Variants in C9orf153 observed in about 807,000 individuals in gnomAD.
C9orf153 encodes the protein uncharacterized protein C9orf153.
A neutral mutation model predicts 9.0 loss-of-function variants in C9orf153; 10 were observed. The observed-to-expected ratio is 1.11, with a 90% CI of 0.69 to 1.89. The LOEUF (loss-of-function observed/expected upper bound fraction) is 1.89, where lower values mean the gene tolerates loss of function less well. C9orf153 is among the 40% of genes most tolerant of loss of function. C9orf153 has a pLI of 0.00. For synonymous variants in C9orf153, 35 were observed against 37.3 expected, an observed-to-expected ratio of 0.94 and a Z score of 0.23; for missense variants, 108 against 111.0, an observed-to-expected ratio of 0.97 and a Z score of 0.12.
chr9:86,222,208 G>A (rs530270605), intron 3 of C9orf153, among the ~76,000 whole-genome samples: 9 of 152,142 alleles, frequency 5.9e-5, no homozygotes, highest in South Asian at 4.2e-4. Flanking sequence ...TAAACTTAAG[G>A]GAGACCCTGT....
chr9:86,250,511 T>A (rs1220038017), intron 1 of C9orf153, among the ~76,000 whole-genome samples: 1 of 152,232 alleles, frequency 6.6e-6, no homozygotes, highest in Admixed American at 6.5e-5. Context: ...AGATCTTTGA[T>A]AAAGCTGTTT....
At chr9:86,242,847 T>C (rs1824778589) in intron 1 of C9orf153, among the ~76,000 whole-genome samples, 1 of 151,826 alleles carries the variant, frequency 6.6e-6, no homozygotes, top group Non-Finnish European at 1.5e-5. Context: ...CCCAGCTAAT[T>C]TTTGTATTTT....
At chr9:86,222,044 C>T (rs545491071) in intron 3 of C9orf153, among the ~76,000 whole-genome samples, 1 of 152,100 alleles carries the variant, frequency 6.6e-6, no homozygotes, top group Admixed American at 6.5e-5. Flanking sequence ...CGCCACCACA[C>T]CCGGTTACTT....
At chr9:86,228,140 A>G in intron 2 of C9orf153, 110 bp from the exon 3 acceptor site, 1 of 782,856 alleles carries the variant, frequency 1.3e-6, no homozygotes, top group Non-Finnish European at 1.9e-6. Flanking sequence ...CCATAAAGAC[A>G]AAAGCATTTT....
intron 1 of C9orf153, among the ~76,000 whole-genome samples, chr9:86,252,834 C>T (rs1011913498): frequency 6.6e-6 from 1 of 152,272 alleles, no homozygotes; most frequent in South Asian, 2.1e-4. Context: ...ATTATAAATA[C>T]AAATCTTACA....
intron 1 of C9orf153, among the ~76,000 whole-genome samples, chr9:86,239,273 CAT>C (rs1051948071): frequency 2.8e-4 from 41 of 148,862 alleles, no homozygotes; most frequent in African/African-American, 1.0e-3. Flanking sequence ...AAAAAAAAAT[CAT>C]ATATGATTCA....
Position 86,226,111 on chromosome 9 carries a change from C to T in C9orf153, c.242+1744G>A, listed in dbSNP as rs111436810. 6.0e-3 allele frequency among the ~76,000 whole-genome samples: 919 copies of T among 152,200 alleles called. 11 individuals carry two copies. The highest frequency in any genetic ancestry group is 0.021 in the African/African-American group (863 of 41,522). ...TCCCAGGCTTTACTTGTGTACTTTG[C>T]GAATTATCTAGGCCAGTCCTATCAT... On this transcript the variant is annotated intron_variant, in intron 3 of 3. Coordinates refer to ENST00000339137, the MANE Select transcript of C9orf153 (RefSeq NM_001276366.4).
chr9:86,240,736 T>G (rs1587804827), intron 1 of C9orf153, among the ~76,000 whole-genome samples: 1 of 124,256 alleles, frequency 8.0e-6, no homozygotes, highest in South Asian at 2.5e-4. Flanking sequence ...TGAGATGGAG[T>G]CTCCCTCTGT....
chr9:86,236,324 G>A (rs551692580), intron 1 of C9orf153, among the ~76,000 whole-genome samples: 1 of 152,200 alleles, frequency 6.6e-6, no homozygotes, highest in African/African-American at 2.4e-5. Flanking sequence ...GCTGAGGTGG[G>A]TGGATCATGA....
intron 1 of C9orf153, among the ~76,000 whole-genome samples, chr9:86,237,578 T>G (rs1317613198): frequency 6.6e-6 from 1 of 152,120 alleles, no homozygotes; most frequent in Non-Finnish European, 1.5e-5. Context: ...CCACTGTACC[T>G]GGCCAGAAAC....
chr9:86,224,656 C>T (rs552910467), intron 3 of C9orf153, among the ~76,000 whole-genome samples: 1 of 150,824 alleles, frequency 6.6e-6, no homozygotes, highest in South Asian at 2.1e-4. Flanking sequence ...ACAATGTGTT[C>T]ATTAAATAAA....
chr9:86,222,947 G>C (rs1331160262), intron 3 of C9orf153, among the ~76,000 whole-genome samples: 1 of 152,162 alleles, frequency 6.6e-6, no homozygotes, highest in African/African-American at 2.4e-5. Context: ...GCCTGGGCCT[G>C]CCTGGTGGGA....
chr9:86,244,783 GA>G (rs955361938), intron 1 of C9orf153, among the ~76,000 whole-genome samples: 4 of 152,036 alleles, frequency 2.6e-5, no homozygotes, highest in Non-Finnish European at 5.9e-5. Flanking sequence ...CCACCCTCCT[GA>G]ATTTTGTGTT....
intron 1 of C9orf153, among the ~76,000 whole-genome samples, chr9:86,244,247 AT>A (rs759194421): frequency 1.3e-5 from 2 of 152,128 alleles, no homozygotes; most frequent in East Asian, 3.9e-4. Flanking sequence ...TTTTAAAATA[AT>A]TTTTTTTGTA....
chr9:86,226,344 C>T (rs1824331068), intron 3 of C9orf153, among the ~76,000 whole-genome samples: 1 of 151,788 alleles, frequency 6.6e-6, no homozygotes, highest in South Asian at 2.1e-4. Context: ...TTCTTTGAGA[C>T]AGAGTTTTGC....
At chr9:86,241,555 A>T (rs979850922) in intron 1 of C9orf153, among the ~76,000 whole-genome samples, 2 of 152,230 alleles carry the variant, frequency 1.3e-5, no homozygotes, top group Non-Finnish European at 1.5e-5. Flanking sequence ...GACTTGGGCG[A>T]TTCTCATGCT....
At chr9:86,243,535 G>A (rs1824796079) in intron 1 of C9orf153, among the ~76,000 whole-genome samples, 2 of 149,260 alleles carry the variant, frequency 1.3e-5, no homozygotes, top group Admixed American at 6.8e-5. Flanking sequence ...GCGCGATCTC[G>A]GCTCACCGCA....
At chr9:86,259,421 A>G (rs1258530014) in intron 1 of C9orf153, 129 bp downstream of exon 1, 1 of 152,252 alleles carries the variant, frequency 6.6e-6, no homozygotes, top group Non-Finnish European at 1.5e-5. Context: ...CTCACCTCCC[A>G]GCTCTGGTCT....
intron 1 of C9orf153, among the ~76,000 whole-genome samples, chr9:86,251,068 A>C (rs767977402): frequency 4.6e-5 from 7 of 152,188 alleles, no homozygotes; most frequent in African/African-American, 1.2e-4. Context: ...CAAATGTTTA[A>C]CAATAATTGT....
Sources: gnomAD v4.1 joint callset for allele counts (sites outside exome capture counted in the v4.1 genomes callset) on GRCh38, gnomAD v4.1.1 for gene constraint, MANE v1.5 for transcripts, NCBI Gene and HGNC (gene_info 2026-07-23, HGNC 2026-07-21) for gene names.